Variants in CDK6 observed in about 807,000 individuals in gnomAD.
The protein encoded by CDK6 is cyclin dependent kinase 6, also known as cyclin-dependent kinase 6.
A neutral mutation model predicts 37.1 loss-of-function variants in CDK6; 6 were observed. That is an observed-to-expected ratio of 0.16 (90% CI 0.09 to 0.32). CDK6 has a LOEUF of 0.32. CDK6 is among the 10% of genes least tolerant of loss of function. The pLI is 1.00. For synonymous variants in CDK6, 160 were observed against 161.3 expected (o/e 0.99, Z 0.06); for missense variants, 224 against 418.9 (o/e 0.53, Z 4.06).
intron 4 of CDK6, among the ~76,000 whole-genome samples, chr7:92,680,250 T>C (rs914588291): frequency 1.3e-5 from 2 of 149,986 alleles, no homozygotes; most frequent in East Asian, 2.0e-4. Context: ...CTGACCAACA[T>C]GGTGAAACCC....
At chr7:92,742,393 G>A (rs1798943945) in intron 3 of CDK6, among the ~76,000 whole-genome samples, 1 of 152,182 alleles carries the variant, frequency 6.6e-6, no homozygotes, top group Admixed American at 6.6e-5. Context: ...AAGGCTGTAA[G>A]CAGGCAACTT....
chr7:92,761,020 T>C (rs918665048), intron 3 of CDK6, among the ~76,000 whole-genome samples: 28 of 152,106 alleles, frequency 1.8e-4, no homozygotes, highest in African/African-American at 6.5e-4. Context: ...TATCCATATC[T>C]AAACTGGGTA....
chr7:92,652,834 T>G (rs758534895), intron 5 of CDK6, among the ~76,000 whole-genome samples: 7 of 152,242 alleles, frequency 4.6e-5, no homozygotes, highest in Non-Finnish European at 8.8e-5. Flanking sequence ...CTGTTCTTGA[T>G]GTATGGATTT....
At chr7:92,632,917 T>C (rs1351305264) in intron 5 of CDK6, among the ~76,000 whole-genome samples, 1 of 150,302 alleles carries the variant, frequency 6.7e-6, no homozygotes, top group Admixed American at 6.7e-5. Context: ...ATGGATATGA[T>C]GGTATCTCTA....
intron 3 of CDK6, among the ~76,000 whole-genome samples, chr7:92,757,504 A>G (rs1356505909): frequency 1.3e-5 from 2 of 152,208 alleles, no homozygotes; most frequent in Non-Finnish European, 2.9e-5. Flanking sequence ...TTATGGCTGC[A>G]TAGTATTCCA....
At chr7:92,663,526 C>T (rs1796883241) in intron 5 of CDK6, among the ~76,000 whole-genome samples, 1 of 151,666 alleles carries the variant, frequency 6.6e-6, no homozygotes, top group South Asian at 2.1e-4. Flanking sequence ...AACAGCGAAA[C>T]CCCGTATCTA....
At chr7:92,751,849 T>C (rs1217442667) in intron 3 of CDK6, among the ~76,000 whole-genome samples, 1 of 152,154 alleles carries the variant, frequency 6.6e-6, no homozygotes, top group Non-Finnish European at 1.5e-5. Context: ...TCTGAATTTA[T>C]TTTATACACT....
rs371022870 is a variant in CDK6 at position 92,718,523 on chromosome 7, G to C, written c.537+7103C>G. On this transcript the variant is annotated intron_variant, in intron 4 of 7. Coordinates refer to ENST00000424848, the MANE Select transcript of CDK6 (RefSeq NM_001145306.2). ...CCTGTAAAAGATGACATTGTTCTCC[G>C]ATCTCTGGTCCTGCTTCACTTTGTC... Among the ~76,000 whole-genome samples the C allele has an allele frequency of 3.9e-5, 6 of 152,086 alleles. No homozygotes were observed. In the East Asian group the frequency reaches 7.7e-4, roughly 20 times the overall value.
At chr7:92,649,179 T>C (rs550454863) in intron 5 of CDK6, among the ~76,000 whole-genome samples, 122 of 152,354 alleles carry the variant, frequency 8.0e-4, no homozygotes, top group African/African-American at 2.7e-3. Context: ...AGCTCGTGTT[T>C]CCCAAATTTT....
At chr7:92,751,326 T>A (rs1359154593) in intron 3 of CDK6, among the ~76,000 whole-genome samples, 1 of 152,142 alleles carries the variant, frequency 6.6e-6, no homozygotes, top group African/African-American at 2.4e-5. Flanking sequence ...AAAAGAAGTG[T>A]TCGAGATACA....
At chr7:92,776,931 C>G (rs1034135432) in intron 2 of CDK6, among the ~76,000 whole-genome samples, 2 of 152,102 alleles carry the variant, frequency 1.3e-5, no homozygotes, top group Non-Finnish European at 2.9e-5. Flanking sequence ...TCAATTTTGG[C>G]TTTTGTTGCC....
chr7:92,825,491 C>A (rs1192781948), intron 2 of CDK6, among the ~76,000 whole-genome samples: 3 of 151,876 alleles, frequency 2.0e-5, no homozygotes, highest in Non-Finnish European at 4.4e-5. Flanking sequence ...CACACCCCAA[C>A]CATATGTGTC....
chr7:92,614,938 C>T lies in CDK6; in HGVS notation c.*202G>A. 1 of 478,098 alleles carries T rather than the reference C, an allele frequency of 2.1e-6. No individual in the cohort carries two copies. The highest frequency in any genetic ancestry group is 3.7e-6 in the Non-Finnish European group (1 of 269,654). The allele number at this position is 478,098 out of a possible 1,614,324, so 29.6% of individuals were successfully genotyped here. On this transcript the variant is annotated 3_prime_UTR_variant, in exon 8 of 8. Coordinates refer to ENST00000424848, the MANE Select transcript of CDK6 (RefSeq NM_001145306.2). ...ACAGACAAACAAACAAACAAATGAA[C>T]ATAAAGCTGCAATCACTCTTGCATT...
At chr7:92,826,952 C>CTTTT (rs1801337190) in intron 2 of CDK6, among the ~76,000 whole-genome samples, 1 of 152,108 alleles carries the variant, frequency 6.6e-6, no homozygotes, top group Non-Finnish European at 1.5e-5. Flanking sequence ...AACATAAAGT[C>CTTTT]ACTAAACTGA....
intron 5 of CDK6, among the ~76,000 whole-genome samples, chr7:92,649,365 AC>A (rs1192466109): frequency 1.3e-5 from 2 of 152,310 alleles, no homozygotes; most frequent in African/African-American, 4.8e-5. Flanking sequence ...AGTTAAAAAC[AC>A]CAGTGAAGTG....
intron 2 of CDK6, among the ~76,000 whole-genome samples, chr7:92,796,562 T>C (rs189522659): frequency 2.2e-3 from 339 of 152,286 alleles, no homozygotes; most frequent in African/African-American, 7.9e-3. Flanking sequence ...ATACAGTCTA[T>C]TTCCCTTTTA....
At chr7:92,796,065 C>T (rs3731283) in intron 2 of CDK6, among the ~76,000 whole-genome samples, 15,149 of 146,812 alleles carry the variant, frequency 0.1, 943 homozygotes, top group South Asian at 0.28. Context: ...AAGGTAACAC[C>T]ACCAGCAGCT....
chr7:92,809,699 C>A (rs937991024), intron 2 of CDK6, among the ~76,000 whole-genome samples: 3 of 152,206 alleles, frequency 2.0e-5, no homozygotes, highest in Non-Finnish European at 2.9e-5. Flanking sequence ...CAAAAAGTAT[C>A]TAATCCAGTG....
chr7:92,731,168 C>G (rs150775612), intron 3 of CDK6, among the ~76,000 whole-genome samples: 1 of 152,110 alleles, frequency 6.6e-6, no homozygotes, highest in Non-Finnish European at 1.5e-5. Flanking sequence ...ACAGGGTTCC[C>G]GTGTGCTTTC....
Sources: allele counts gnomAD v4.1 joint callset (sites outside exome capture counted in the v4.1 genomes callset), GRCh38; gene constraint gnomAD v4.1.1; transcripts MANE v1.5; gene names NCBI Gene and HGNC (gene_info 2026-07-23, HGNC 2026-07-21).